Variants in NTRK3 observed in about 807,000 individuals in gnomAD.
NTRK3 encodes the protein NT-3 growth factor receptor.
A neutral mutation model predicts 91.7 loss-of-function variants in NTRK3; 24 were observed. The observed-to-expected ratio is 0.26, with a 90% CI of 0.19 to 0.37. The LOEUF (loss-of-function observed/expected upper bound fraction) is 0.37. NTRK3 is among the 10% of genes least tolerant of loss of function. NTRK3 has a pLI of 1.00. For synonymous variants in NTRK3, 483 were observed against 404.0 expected (o/e 1.20, Z -2.34); for missense variants, 880 against 1,068.9 (o/e 0.82, Z 2.46).
chr15:88,026,050 T>TC (rs1428193696), intron 14 of NTRK3, among the ~76,000 whole-genome samples: 1 of 152,138 alleles, frequency 6.6e-6, no homozygotes, highest in East Asian at 1.9e-4. Flanking sequence ...GACGGGTAGA[T>TC]CACTAGGTCC....
At chr15:88,168,156 G>A (rs959656086) in intron 5 of NTRK3, among the ~76,000 whole-genome samples, 7 of 152,130 alleles carry the variant, frequency 4.6e-5, no homozygotes, top group South Asian at 2.1e-4. Context: ...CAAAATAAGG[G>A]AGGTGGGGGC....
intron 17 of NTRK3, among the ~76,000 whole-genome samples, chr15:87,898,981 T>C (rs575980191): frequency 7.9e-5 from 12 of 152,262 alleles, no homozygotes; most frequent in Middle Eastern, 3.4e-3. Flanking sequence ...TGCAAATATT[T>C]ATAAGCGAAC....
intron 14 of NTRK3, among the ~76,000 whole-genome samples, chr15:87,990,543 A>G (rs1331230869): frequency 6.6e-6 from 1 of 152,168 alleles, no homozygotes; most frequent in Non-Finnish European, 1.5e-5. Context: ...TTTGGAGCAG[A>G]GGAGGAAACT....
chr15:88,194,192 T>C (rs1333859595), intron 3 of NTRK3, among the ~76,000 whole-genome samples: 2 of 152,258 alleles, frequency 1.3e-5, no homozygotes, highest in African/African-American at 4.8e-5. Flanking sequence ...GGATATTCTT[T>C]CTTAGGCTCC....
intron 13 of NTRK3, among the ~76,000 whole-genome samples, chr15:88,086,527 G>A (rs2048517908): frequency 2.1e-5 from 3 of 144,994 alleles, no homozygotes. Context: ...TTAAAAACAT[G>A]GCTACTAGAA....
chr15:88,120,611 G>C (rs550630992), intron 13 of NTRK3, among the ~76,000 whole-genome samples: 1 of 152,318 alleles, frequency 6.6e-6, no homozygotes, highest in South Asian at 2.1e-4. Context: ...AGTTCTTGGA[G>C]CCTACTCCTC....
At chr15:88,194,462 T>C (rs1042952435) in intron 3 of NTRK3, among the ~76,000 whole-genome samples, 1 of 152,246 alleles carries the variant, frequency 6.6e-6, no homozygotes, top group Admixed American at 6.5e-5. Context: ...TCCATATCAA[T>C]AAATGACACT....
At chr15:88,047,487 ATT>A (rs769117781) in intron 13 of NTRK3, among the ~76,000 whole-genome samples, 9 of 152,188 alleles carry the variant, frequency 5.9e-5, no homozygotes, top group Non-Finnish European at 1.0e-4. Flanking sequence ...TTATTTTGAA[ATT>A]TTGTGACTTC....
chr15:87,970,289 A>G (rs1460060797), intron 14 of NTRK3, among the ~76,000 whole-genome samples: 2 of 151,990 alleles, frequency 1.3e-5, no homozygotes, highest in Non-Finnish European at 2.9e-5. Context: ...ATGACTTACC[A>G]TTTTCTTCTG....
chr15:87,880,242 T>A (rs1303754212), intron 18 of NTRK3, 28 bp downstream of exon 19: 1 of 1,613,792 alleles, frequency 6.2e-7, no homozygotes, highest in Non-Finnish European at 8.5e-7. Flanking sequence ...CCTCCCCCAA[T>A]CAAGATTCCT....
intron 10 of NTRK3, among the ~76,000 whole-genome samples, chr15:88,130,324 G>T (rs1464066897): frequency 2.0e-5 from 3 of 152,144 alleles, no homozygotes; most frequent in Non-Finnish European, 4.4e-5. Context: ...TAGAAGGAAT[G>T]ATAAAAATAG....
intron 5 of NTRK3, among the ~76,000 whole-genome samples, chr15:88,170,439 A>G (rs539001129): frequency 1.4e-4 from 22 of 152,230 alleles, no homozygotes; most frequent in Non-Finnish European, 2.4e-4. Flanking sequence ...TTCCCTCACT[A>G]CATCCCACAG....
Position 88,241,091 on chromosome 15 carries a change from G to A in NTRK3, c.248+14815C>T, listed in dbSNP as rs962312052. ...AATAAGCCTCAATGCCAGCCTTCAG[G>A]AGCTCACCACACAGTGAGGAAACAG... is the stretch of plus-strand genomic sequence containing the variant. On this transcript the variant is annotated intron_variant, in intron 3 of 18. Coordinates refer to ENST00000394480, the Ensembl canonical transcript of NTRK3. This position sits in a 1 kb window ranked among gnomAD's most constrained non-coding sequence, Gnocchi z 4.3. Among the ~76,000 whole-genome samples, 2 of 152,162 alleles carry A rather than the reference G, an allele frequency of 1.3e-5. No individual in the cohort carries two copies. The highest frequency in any genetic ancestry group is 4.8e-5 in the African/African-American group (2 of 41,442).
intron 5 of NTRK3, among the ~76,000 whole-genome samples, chr15:88,174,530 G>A (rs998613782): frequency 6.6e-6 from 1 of 152,046 alleles, no homozygotes; most frequent in Non-Finnish European, 1.5e-5. Context: ...CCTATTCCGT[G>A]GACAAATGGC....
At chr15:87,891,637 G>A (rs554194078) in intron 17 of NTRK3, among the ~76,000 whole-genome samples, 4 of 152,212 alleles carry the variant, frequency 2.6e-5, no homozygotes, top group African/African-American at 9.6e-5. Context: ...TATCTGTTCT[G>A]TTCTTGGGTT....
chr15:88,042,694 A>G (rs2079762828), intron 13 of NTRK3, among the ~76,000 whole-genome samples: 1 of 152,254 alleles, frequency 6.6e-6, no homozygotes, highest in South Asian at 2.1e-4. Context: ...AAGAACACGC[A>G]CTTAAGGAAG....
chr15:87,898,912 T>C (rs998255755), intron 17 of NTRK3, among the ~76,000 whole-genome samples: 1 of 150,912 alleles, frequency 6.6e-6, no homozygotes, highest in African/African-American at 2.4e-5. Flanking sequence ...CTGACACACA[T>C]AGACATTTTC....
chr15:87,918,747 C>T (rs140028184), intron 17 of NTRK3, among the ~76,000 whole-genome samples: 1 of 152,314 alleles, frequency 6.6e-6, no homozygotes, highest in African/African-American at 2.4e-5. Context: ...TCCCATCCCT[C>T]ACACATGGAT....
rs531395223 is a variant in NTRK3, at chr15:87,867,761, C to A, written c.*9174G>T. ...ACTTGTTTCAGCCACAAGATAGGTT[C>A]AATAACCTGCTTAAACTACTTCACA... On this transcript the variant is annotated 3_prime_UTR_variant, in exon 19 of 19. Transcript: ENST00000394480. The A allele has an allele frequency of 4.6e-4, 105 of 227,994 alleles. 1 individual carries two copies. The highest frequency in any genetic ancestry group is 2.2e-3 in the African/African-American group (100 of 45,182). The allele number at this position is 227,994 out of a possible 1,614,324, so 14.1% of individuals were successfully genotyped here.
Sources: allele counts gnomAD v4.1 joint callset (sites outside exome capture counted in the v4.1 genomes callset), GRCh38; gene constraint gnomAD v4.1.1; non-coding constraint Gnocchi (gnomAD v3.1); transcripts MANE v1.5; gene names NCBI Gene and HGNC (gene_info 2026-07-23, HGNC 2026-07-21).